ITPK1: variants seen among roughly 807,000 people sequenced by gnomAD.
ITPK1 encodes inositol 1,3,4-trisphosphate 5/6-kinase.
In ITPK1, 21 loss-of-function variants were observed where a neutral mutation model predicts 45.3. The ratio of observed to expected loss-of-function variants is 0.46; its 90% CI spans 0.33 to 0.67. ITPK1 has a LOEUF of 0.67. ITPK1 is among the 30% of genes least tolerant of loss of function. The pLI is 0.02. For missense variants in ITPK1, 474 were observed against 573.5 expected (o/e 0.83, Z 1.77); for synonymous variants, 258 against 253.6 (o/e 1.02, Z -0.16).
At chr14:92,973,506 G>A (rs1339217084) in intron 5 of ITPK1, among the ~76,000 whole-genome samples, 2 of 152,244 alleles carry the variant, frequency 1.3e-5, no homozygotes, top group Non-Finnish European at 2.9e-5. Flanking sequence ...AAGTGCTCTG[G>A]ACTCATTCAG....
intron 2 of ITPK1, among the ~76,000 whole-genome samples, chr14:93,092,938 G>A (rs1891921986): frequency 6.6e-6 from 1 of 152,154 alleles, no homozygotes; most frequent in Non-Finnish European, 1.5e-5. Flanking sequence ...CTCCAGCCAC[G>A]GCGCGTGCCT....
chr14:93,022,162 G>A (rs1030815596), intron 3 of ITPK1, among the ~76,000 whole-genome samples: 15 of 152,288 alleles, frequency 9.8e-5, no homozygotes, highest in Admixed American at 2.0e-4. Flanking sequence ...CCTGTTCTGC[G>A]TTCCCAACAC....
At chr14:93,011,452 T>C (rs1003236300) in intron 4 of ITPK1, among the ~76,000 whole-genome samples, 3 of 152,234 alleles carry the variant, frequency 2.0e-5, no homozygotes, top group Admixed American at 6.5e-5. Context: ...AGGCTACACA[T>C]GGTTTCCTTC....
intron 8 of ITPK1, among the ~76,000 whole-genome samples, chr14:92,957,144 G>C (rs971262789): frequency 6.6e-6 from 1 of 152,252 alleles, no homozygotes; most frequent in African/African-American, 2.4e-5. Context: ...GATGTGGATG[G>C]CCACAGGCAG....
intron 3 of ITPK1, among the ~76,000 whole-genome samples, chr14:93,056,348 C>T (rs1890213937): frequency 1.3e-5 from 2 of 152,210 alleles, no homozygotes; most frequent in African/African-American, 2.4e-5. Flanking sequence ...AGGGCTTCTG[C>T]AGCTTACCCA....
At chr14:92,982,181 G>A (rs745415202) in intron 5 of ITPK1, among the ~76,000 whole-genome samples, 14 of 152,190 alleles carry the variant, frequency 9.2e-5, no homozygotes, top group Non-Finnish European at 1.9e-4. Flanking sequence ...ACTCAGTGTG[G>A]CAGGCAGAAT....
At chr14:93,092,926 C>A (rs1308357213) in intron 2 of ITPK1, among the ~76,000 whole-genome samples, 1 of 152,228 alleles carries the variant, frequency 6.6e-6, no homozygotes, top group African/African-American at 2.4e-5. Flanking sequence ...GACTCACCCA[C>A]CCTCCAGCCA....
At chr14:93,089,201 C>T (rs768718720) in intron 2 of ITPK1, among the ~76,000 whole-genome samples, 3 of 152,194 alleles carry the variant, frequency 2.0e-5, no homozygotes, top group Middle Eastern at 3.2e-3. Flanking sequence ...TGAGGAGCAG[C>T]CCCTGAGCAG....
intron 4 of ITPK1, 126 bp from the exon 5 acceptor site, chr14:92,994,123 G>C (rs1307825776): frequency 1.5e-6 from 1 of 658,770 alleles, no homozygotes; most frequent in African/African-American, 1.8e-5. Flanking sequence ...GTGGAGGGTG[G>C]TGCATTCCAG....
intron 2 of ITPK1, among the ~76,000 whole-genome samples, chr14:93,090,679 A>G (rs1186142691): frequency 1.3e-5 from 2 of 152,226 alleles, no homozygotes; most frequent in Non-Finnish European, 2.9e-5. Flanking sequence ...GATGAGGAAT[A>G]AAACTCCAGG....
chr14:93,016,781 G>T lies in ITPK1; in HGVS notation c.141C>A (p.Ile47=). ...TGACGTCCAGGGGGCCCTGCTCCTC[G>T]ATCGGCCGGCTAAGGTTCAGCTGTG... ...EVVQLNLSRP[I]EEQGPLDVII... Residue 47 remains isoleucine (I), a synonymous_variant, in exon 4 of 11, where the codon ATC becomes ATA. Transcript: ENST00000267615. The surrounding 1 kb of genome is among the most constrained non-coding windows in gnomAD (Gnocchi z 5.0). The T allele has an allele frequency of 6.2e-7, 1 of 1,614,004 alleles. No homozygotes were observed. Among genetic ancestry groups the T allele is most frequent in the Non-Finnish European group, 8.5e-7 (1 of 1,179,968 alleles).
intron 5 of ITPK1, among the ~76,000 whole-genome samples, chr14:92,963,259 G>T (rs1206412797): frequency 6.6e-6 from 1 of 152,142 alleles, no homozygotes; most frequent in Non-Finnish European, 1.5e-5. Context: ...GTTCAATAAA[G>T]ACTTTCCCAC....
chr14:93,010,833 T>C (rs900052391), intron 4 of ITPK1, among the ~76,000 whole-genome samples: 2 of 152,134 alleles, frequency 1.3e-5, no homozygotes, highest in Non-Finnish European at 2.9e-5. Context: ...TAAGCGTGGC[T>C]GACTGACCCT....
intron 5 of ITPK1, among the ~76,000 whole-genome samples, chr14:92,971,707 A>G (rs1409144685): frequency 6.6e-6 from 1 of 152,236 alleles, no homozygotes; most frequent in African/African-American, 2.4e-5. Flanking sequence ...AAGGAGGGCC[A>G]GCCCAGTTGC....
Position 93,034,313 on chromosome 14 carries a change from T to C in ITPK1, c.121-17512A>G, listed in dbSNP as rs1889215919. On this transcript the variant is annotated intron_variant, in intron 3 of 10. Transcript: ENST00000267615. The surrounding 1 kb of genome is among the most constrained non-coding windows in gnomAD (Gnocchi z 4.1). ...GAGCAGGAAGATGCTCTGGAAAACCTACCCTGACCAGAGGCAAAGTGACTG... is the reference window on the plus strand; with the variant it reads ...GAGCAGGAAGATGCTCTGGAAAACCCACCCTGACCAGAGGCAAAGTGACTG... Among the ~76,000 whole-genome samples, 2 of 132,404 alleles carry C rather than the reference T, an allele frequency of 1.5e-5. No individual in the cohort carries two copies. The highest frequency in any genetic ancestry group is 2.9e-5 in the African/African-American group (1 of 34,762). The allele number at this position is 132,404 out of a possible 152,430, so 86.9% of individuals were successfully genotyped here. A position where few individuals can be genotyped will look rare whatever the true frequency, so the allele number is the denominator to read the frequency against.
At chr14:92,976,044 T>C (rs997730926) in intron 5 of ITPK1, among the ~76,000 whole-genome samples, 1 of 152,206 alleles carries the variant, frequency 6.6e-6, no homozygotes, top group African/African-American at 2.4e-5. Flanking sequence ...TCCACCATGA[T>C]TGTAAGTTTC....
intron 2 of ITPK1, among the ~76,000 whole-genome samples, chr14:93,080,852 T>C (rs762310201): frequency 1.3e-5 from 2 of 152,052 alleles, no homozygotes; most frequent in Non-Finnish European, 2.9e-5. Context: ...TTCTCCTGCT[T>C]CGGCCTCCCG....
intron 2 of ITPK1, among the ~76,000 whole-genome samples, chr14:93,110,742 C>T (rs1035466192): frequency 2.0e-5 from 3 of 152,194 alleles, no homozygotes; most frequent in African/African-American, 7.2e-5. Flanking sequence ...TCTGAGACTG[C>T]TCCAGAAACA....
chr14:92,961,517 T>C (rs1162207763), intron 7 of ITPK1, among the ~76,000 whole-genome samples: 1 of 152,214 alleles, frequency 6.6e-6, no homozygotes, highest in African/African-American at 2.4e-5. Context: ...CAGCCCTCTT[T>C]TCCTCCCTGG....
Sources: allele counts gnomAD v4.1 joint callset (sites outside exome capture counted in the v4.1 genomes callset), GRCh38; gene constraint gnomAD v4.1.1; non-coding constraint Gnocchi (gnomAD v3.1); transcripts MANE v1.5; gene names NCBI Gene and HGNC (gene_info 2026-07-23, HGNC 2026-07-21).